Variants in IGDCC4 observed in about 807,000 individuals in gnomAD.
IGDCC4 encodes immunoglobulin superfamily DCC subclass member 4, also known as likely ortholog of mouse neighbor of Punc E11.
In IGDCC4, 72 loss-of-function variants were observed where a neutral mutation model predicts 116.6. That is an observed-to-expected ratio of 0.62 (90% CI 0.51 to 0.75). The LOEUF (loss-of-function observed/expected upper bound fraction) is 0.75, where lower values mean the gene tolerates loss of function less well. IGDCC4 is among the 30% of genes least tolerant of loss of function. The pLI is 0.00. For missense variants in IGDCC4, 1,501 were observed against 1,662.4 expected (o/e 0.90, Z 1.69); for synonymous variants, 709 against 719.9 (o/e 0.98, Z 0.24).
At position 65,385,103 on chromosome 15, in the gene IGDCC4, G is replaced by A; in HGVS notation, c.3193C>T (p.Gln1065Ter). The A allele has an allele frequency of 6.3e-7, 1 of 1,594,428 alleles. No homozygotes were observed. Among genetic ancestry groups the A allele is most frequent in the Non-Finnish European group, 8.5e-7 (1 of 1,175,576 alleles). The part of the protein sequence containing the change: ...SHSKRKISWA[Q>*]PSGLSWAGSW... ...CCAGCCCAGCTCAGCCCGCTTGGTTGAGCCCAGGAGATCTGCACGGGGGAA... is the reference window on the plus strand; with the variant it reads ...CCAGCCCAGCTCAGCCCGCTTGGTTAAGCCCAGGAGATCTGCACGGGGGAA... Residue 1065 changes from glutamine (Q) to a stop codon, truncating the protein, a stop_gained, in exon 19 of 20, where the codon CAA (glutamine) becomes TAA (stop). Coordinates refer to ENST00000352385, the MANE Select transcript of IGDCC4 (RefSeq NM_020962.3). LOFTEE classifies it high-confidence loss of function.
At position 65,384,027 on chromosome 15, in the gene IGDCC4, CG is replaced by C. The variant is rs753676282; in HGVS notation, c.3734del (p.Pro1245ArgfsTer68). Reference protein sequence around the residue: ...LGASPGLPRSPVSSSA With the variant: ...LGASPGLPRSXVSSSA ...GGAAGAGCTAGGCAGAGGAGGAGAC[CG>C]GGGATCTGGGCAGGCCTGGGCTGGC... On this transcript the variant is annotated frameshift_variant, in exon 20 of 20. Transcript: ENST00000352385. LOFTEE classifies it high-confidence loss of function. The surrounding 1 kb of genome is among the most constrained non-coding windows in gnomAD (Gnocchi z 4.9). The C allele has an allele frequency of 6.3e-7, 1 of 1,594,112 alleles. No individual in the cohort carries two copies. Among genetic ancestry groups the C allele is most frequent in the Admixed American group, 1.7e-5 (1 of 58,818 alleles).
chr15:65,389,169 C>T, intron 14 of IGDCC4, 115 bp downstream of exon 14: 5 of 1,446,734 alleles, frequency 3.5e-6, no homozygotes, highest in South Asian at 1.4e-5. Flanking sequence ...CCCAGAAACT[C>T]TTCTGCCCCC....
chr15:65,382,981 A>G lies in IGDCC4; in HGVS notation c.*1028T>C, dbSNP rs1306470455. 1 of 152,404 alleles carries G rather than the reference A, an allele frequency of 6.6e-6. No homozygotes were observed. The highest frequency in any genetic ancestry group is 3.2e-3 in the Middle Eastern group (1 of 316). 9.4% of individuals were successfully genotyped at this position (152,404 alleles called of 1,614,324 possible). A position where few individuals can be genotyped will look rare whatever the true frequency, so the allele number is the denominator to read the frequency against. ...ATCCATGGAGAACCCTTGGATCCCA[A>G]TCCCAAAGGCAAGATGCAGGGAAGC... On this transcript the variant is annotated 3_prime_UTR_variant, in exon 20 of 20. Transcript: ENST00000352385.
At chr15:65,389,140 G>A in intron 14 of IGDCC4, 144 bp downstream of exon 14, 1 of 1,204,364 alleles carries the variant, frequency 8.3e-7, no homozygotes, top group South Asian at 1.6e-5. Context: ...TGGTTGGAGG[G>A]ACTTAACATT....
chr15:65,412,206 G>C (rs530819547), intron 1 of IGDCC4, among the ~76,000 whole-genome samples: 2 of 152,112 alleles, frequency 1.3e-5, no homozygotes, highest in South Asian at 4.1e-4. Context: ...CTGGCAGAAC[G>C]AGACTCTGTG....
chr15:65,388,320 C>A, intron 16 of IGDCC4, 129 bp downstream of exon 16: 1 of 1,228,334 alleles, frequency 8.1e-7, no homozygotes, highest in African/African-American at 1.5e-5. Flanking sequence ...CACCTATTTC[C>A]CCTTCACATT....
rs1367492472 is a variant in IGDCC4, at chr15:65,391,892, C to T, written c.2212G>A (p.Ala738Thr). ...CCACCGCCCTCACCTGGTGCCGGCG[C>T]CTTCTCCGTCTTGCCCTTCCACACT... ...AAVWKGKTEK[A>T]PAPDMPIQRG... Residue 738 changes from alanine to threonine, a missense_variant, in exon 12 of 20, where the codon GCG (alanine) becomes ACG (threonine). Coordinates refer to ENST00000352385, the MANE Select transcript of IGDCC4 (RefSeq NM_020962.3). 6.2e-7 allele frequency: 1 copy of T among 1,613,724 alleles called. No individual in the cohort carries two copies. The highest frequency in any genetic ancestry group is 1.3e-5 in the African/African-American group (1 of 74,896).
chr15:65,402,658 G>A (rs571023468), intron 3 of IGDCC4, among the ~76,000 whole-genome samples, 171 bp from the exon 4 acceptor site: 7 of 152,116 alleles, frequency 4.6e-5, no homozygotes, highest in South Asian at 2.1e-4. Flanking sequence ...ACATGAGGTC[G>A]GGAGTTCGAG....
At chr15:65,420,063 C>T (rs2063176462) in intron 1 of IGDCC4, among the ~76,000 whole-genome samples, 1 of 87,104 alleles carries the variant, frequency 1.1e-5, no homozygotes, top group Non-Finnish European at 2.2e-5. Flanking sequence ...TCTCGAGTCT[C>T]AGACTCCCGA....
At chr15:65,400,740 T>C in intron 5 of IGDCC4, 66 bp downstream of exon 5, 2 of 1,524,120 alleles carry the variant, frequency 1.3e-6, no homozygotes, top group African/African-American at 2.7e-5. Context: ...CCCCCTGACT[T>C]AGGGGCATGT....
rs768588664 is a variant in IGDCC4 at position 65,410,151 on chromosome 15, G to A, written c.563+27C>T. ...AGAGCCCTCTCTGCCCTGCCTACCA[G>A]GACCCGCTCCCCTACAGGGCACTCA... On this transcript the variant is annotated intron_variant, in intron 3 of 19. Transcript: ENST00000352385. 27 of 1,610,608 alleles carry A rather than the reference G, an allele frequency of 1.7e-5. No homozygotes were observed. In the East Asian group the frequency reaches 5.3e-4, roughly 32 times the overall value.
At chr15:65,396,290 C>A (rs1264301643) in intron 6 of IGDCC4, 127 bp from the exon 7 acceptor site, 9 of 1,046,228 alleles carry the variant, frequency 8.6e-6, no homozygotes, top group Non-Finnish European at 1.3e-5. Flanking sequence ...TAACCTCTCC[C>A]TGATTCACCC....
chr15:65,412,936 T>C (rs2140236137), intron 1 of IGDCC4, among the ~76,000 whole-genome samples: 1 of 142,242 alleles, frequency 7.0e-6, no homozygotes, highest in Middle Eastern at 3.5e-3. Context: ...TCTCTCTCTC[T>C]CTCTCTGTAC....
intron 5 of IGDCC4, among the ~76,000 whole-genome samples, chr15:65,399,236 C>T (rs1467604937): frequency 6.6e-6 from 1 of 152,012 alleles, no homozygotes; most frequent in Non-Finnish European, 1.5e-5. Flanking sequence ...CTTGGGAGGC[C>T]AAAATGGGTG....
intron 7 of IGDCC4, 58 bp from the exon 8 acceptor site, chr15:65,395,316 T>C: frequency 6.4e-7 from 1 of 1,550,556 alleles, no homozygotes; most frequent in Non-Finnish European, 8.8e-7. Context: ...GCTGGCTAGC[T>C]GGAGTCTGTA....
At chr15:65,400,649 C>A (rs1286765065) in intron 5 of IGDCC4, among the ~76,000 whole-genome samples, 157 bp downstream of exon 5, 1 of 152,190 alleles carries the variant, frequency 6.6e-6, no homozygotes, top group African/African-American at 2.4e-5. Context: ...CAGCTCCGAC[C>A]TTGACCACCA....
At chr15:65,412,626 C>A (rs539381284) in intron 1 of IGDCC4, among the ~76,000 whole-genome samples, 63 of 149,114 alleles carry the variant, frequency 4.2e-4, no homozygotes, top group African/African-American at 1.5e-3. Flanking sequence ...ATTACCCAAT[C>A]AAAAATATGC....
intron 18 of IGDCC4, chr15:65,385,559 A>C: frequency 1.7e-6 from 1 of 575,058 alleles, no homozygotes; most frequent in African/African-American, 1.9e-5. Flanking sequence ...AGCTCCAGGG[A>C]TGAGGAGGGA....
rs185266355 is a variant in IGDCC4 at position 65,390,297 on chromosome 15, C to T, written c.2266G>A (p.Val756Ile). The change falls in exon 13 of 20, where the codon GTC (valine) becomes ATC (isoleucine). Residue 756 changes from valine to isoleucine, a missense_variant. This residue lies in a region of IGDCC4 where 235 missense variants were observed against 328.0 expected (regional missense o/e 0.72). Coordinates refer to ENST00000352385, the MANE Select transcript of IGDCC4 (RefSeq NM_020962.3). The part of the protein sequence containing the change: ...QRGPPLPPAH[V>I]HAESNSSTSI... ...GTGGAGCTGTTTGATTCCGCATGGACGTGGGCTGGAGGCAGGGGTGGTCCC... is the reference window on the plus strand; with the variant it reads ...GTGGAGCTGTTTGATTCCGCATGGATGTGGGCTGGAGGCAGGGGTGGTCCC... 1,618 of 1,611,124 alleles carry T rather than the reference C, an allele frequency of 1.0e-3. 2 individuals are homozygous for T. Among genetic ancestry groups the T allele is most frequent in the Non-Finnish European group, 1.3e-3 (1,505 of 1,177,756 alleles).
Sources: allele counts gnomAD v4.1 joint callset (sites outside exome capture counted in the v4.1 genomes callset), GRCh38; gene constraint gnomAD v4.1.1; regional missense constraint gnomAD v4.1.1; non-coding constraint Gnocchi (gnomAD v3.1); transcripts MANE v1.5; gene names NCBI Gene and HGNC (gene_info 2026-07-23, HGNC 2026-07-21).